The following CHD1L variants were observed in gnomAD, a reference collection of about 807,000 sequenced individuals.
The protein encoded by CHD1L is chromodomain helicase DNA binding protein 1 like.
Under a neutral mutation model 115.9 loss-of-function variants are expected in CHD1L, and 118 were observed. The ratio of observed to expected loss-of-function variants is 1.02; its 90% CI spans 0.88 to 1.19. The LOEUF is 1.19. CHD1L is among the 50% of genes most tolerant of loss of function. The pLI is 0.00. For missense variants in CHD1L, 1,179 were observed against 1,065.3 expected (o/e 1.11, Z -1.49); for synonymous variants, 411 against 387.1 (o/e 1.06, Z -0.72).
chr1:147,256,987 A>G (rs945695482), intron 5 of CHD1L, among the ~76,000 whole-genome samples: 1 of 152,222 alleles, frequency 6.6e-6, no homozygotes, highest in Non-Finnish European at 1.5e-5. Flanking sequence ...CATAACCTAA[A>G]ATAGCAATCA....
chr1:147,289,378 A>G (rs1684619067), intron 19 of CHD1L, among the ~76,000 whole-genome samples: 1 of 152,182 alleles, frequency 6.6e-6, no homozygotes, highest in African/African-American at 2.4e-5. Flanking sequence ...TTTGAGGTAC[A>G]AGGGAGGAAA....
intron 1 of CHD1L, among the ~76,000 whole-genome samples, chr1:147,248,282 A>C (rs1291241188): frequency 6.6e-6 from 1 of 151,336 alleles, no homozygotes; most frequent in Non-Finnish European, 1.5e-5. Context: ...ATCTCAGCTC[A>C]CCGCAACCTC....
chr1:147,277,398 C>T (rs6687544), intron 14 of CHD1L, among the ~76,000 whole-genome samples: 61,382 of 151,978 alleles, frequency 0.4, 12,450 homozygotes, highest in South Asian at 0.44. Flanking sequence ...ACATGGTTAC[C>T]GTATCTGCAA....
At position 147,295,550 on chromosome 1, in the gene CHD1L, A is replaced by G. The variant is rs1687231341; in HGVS notation, c.*41A>G. On this transcript the variant is annotated 3_prime_UTR_variant, in exon 23 of 23. Transcript: ENST00000369258. ...CAGATCCTGTCTTTAGCAACCAGCT[A>G]ATATTTACCCAGAGGTACTGCAATA... The G allele has an allele frequency of 7.0e-7, 1 of 1,421,100 alleles. No individual in the cohort carries two copies. Among genetic ancestry groups the G allele is most frequent in the Non-Finnish European group, 9.9e-7 (1 of 1,012,460 alleles). The allele number at this position is 1,421,100 out of a possible 1,614,324, so 88.0% of individuals were successfully genotyped here.
At chr1:147,223,467 TA>T in the CHD1L span, 3 of 152,254 alleles carry the variant, frequency 2.0e-5, no homozygotes, top group Non-Finnish European at 4.4e-5. Flanking sequence ...ATATGAAACG[TA>T]AAACTTATCT....
the CHD1L span, among the ~76,000 whole-genome samples, chr1:147,192,010 A>G: frequency 2.0e-5 from 3 of 152,088 alleles, no homozygotes; most frequent in Non-Finnish European, 4.4e-5. Flanking sequence ...TTTTGGTTCC[A>G]TATGAACTTT....
the CHD1L span, chr1:147,190,132 A>T: frequency 7.9e-7 from 1 of 1,268,280 alleles, no homozygotes; most frequent in South Asian, 1.3e-5. Context: ...TTATTAAGAA[A>T]TAAGTAGAAA....
At chr1:147,186,376 A>G in the CHD1L span, 1 of 921,310 alleles carries the variant, frequency 1.1e-6, no homozygotes, top group Admixed American at 6.2e-5. Flanking sequence ...TGTCTTAAGC[A>G]TCTATATGTC....
At chr1:147,245,071 T>A (rs1666154285) in intron 1 of CHD1L, among the ~76,000 whole-genome samples, 1 of 152,224 alleles carries the variant, frequency 6.6e-6, no homozygotes, top group Admixed American at 6.5e-5. Flanking sequence ...TAGGACCTTT[T>A]TGTTTCTGGA....
intron 6 of CHD1L, chr1:147,260,631 T>C (rs587636570): frequency 1.3e-5 from 2 of 152,342 alleles, no homozygotes; most frequent in African/African-American, 2.4e-5. Flanking sequence ...ATAGTAGATA[T>C]ATCAGACATG....
chr1:147,259,328 A>G (rs1470964533), intron 5 of CHD1L: 2 of 152,296 alleles, frequency 1.3e-5, no homozygotes, highest in Non-Finnish European at 2.9e-5. Context: ...CTCACCACTT[A>G]CCCATTTTAA....
chr1:147,202,834 T>C, the CHD1L span, among the ~76,000 whole-genome samples: 4 of 152,152 alleles, frequency 2.6e-5, no homozygotes, highest in African/African-American at 9.7e-5. Flanking sequence ...CATCCATCCA[T>C]ATAGTTGCCC....
the CHD1L span, chr1:147,203,689 T>TA: frequency 1.3e-6 from 2 of 1,487,806 alleles, no homozygotes; most frequent in Non-Finnish European, 1.9e-6. Context: ...ATTCAATTTC[T>TA]GTTGCTCCAC....
chr1:147,181,459 A>G, the CHD1L span, among the ~76,000 whole-genome samples: 1 of 152,096 alleles, frequency 6.6e-6, no homozygotes, highest in South Asian at 2.1e-4. Flanking sequence ...GATTGTTTCC[A>G]TTTTCTTAGA....
the CHD1L span, among the ~76,000 whole-genome samples, chr1:147,227,960 G>A: frequency 0.14 from 20,779 of 151,562 alleles, 1,866 homozygotes; most frequent in East Asian, 0.42. Context: ...CGCCCAGGCT[G>A]GAGTGCAAGT....
At chr1:147,285,136 CTGTGAAG>C (rs1553964498) in intron 16 of CHD1L, among the ~76,000 whole-genome samples, 181 bp from the exon 17 acceptor site, 2 of 152,192 alleles carry the variant, frequency 1.3e-5, no homozygotes, top group African/African-American at 4.8e-5. Context: ...GTCACTGTGC[CTGTGAAG>C]TGTGTAGTAT....
the CHD1L span, among the ~76,000 whole-genome samples, chr1:147,202,251 C>T: frequency 6.6e-6 from 1 of 150,378 alleles, no homozygotes; most frequent in Non-Finnish European, 1.5e-5. Flanking sequence ...ATTTTTTTGC[C>T]ATTACTTTTA....
At chr1:147,210,215 G>A in the CHD1L span, 1 of 152,208 alleles carries the variant, frequency 6.6e-6, no homozygotes, top group Non-Finnish European at 1.5e-5. Context: ...TCCAAAGCCT[G>A]TGCTTAAGAA....
the CHD1L span, chr1:147,204,562 G>GAC: frequency 6.3e-7 from 1 of 1,587,382 alleles, no homozygotes; most frequent in Non-Finnish European, 8.6e-7. Flanking sequence ...CTCTGAAACT[G>GAC]ACAGGCCAAT....
Sources: allele counts gnomAD v4.1 joint callset (sites outside exome capture counted in the v4.1 genomes callset), GRCh38; gene constraint gnomAD v4.1.1; transcripts MANE v1.5; gene names NCBI Gene and HGNC (gene_info 2026-07-23, HGNC 2026-07-21).